Variants in ARPC1B observed in about 807,000 individuals in gnomAD.
ARPC1B encodes the protein actin related protein 2/3 complex subunit 1B.
ARPC1B carries 29 observed loss-of-function variants against 46.0 expected under a neutral mutation model. The observed-to-expected ratio is 0.63, with a 90% CI of 0.47 to 0.86. ARPC1B has a LOEUF of 0.86. ARPC1B is among the 40% of genes least tolerant of loss of function. The pLI, the probability that ARPC1B is intolerant of heterozygous loss-of-function variation, is 0.00. For missense variants in ARPC1B, 469 were observed against 529.4 expected (o/e 0.89, Z 1.12); for synonymous variants, 201 against 213.9 (o/e 0.94, Z 0.53).
Position 99,394,602 on chromosome 7 carries a change from T to G in ARPC1B, c.*113T>G, listed in dbSNP as rs966464685. The G allele has an allele frequency of 6.4e-7, 1 of 1,560,138 alleles. No individual in the cohort carries two copies. Among genetic ancestry groups the G allele is most frequent in the South Asian group, 1.2e-5 (1 of 84,692 alleles). On this transcript the variant is annotated 3_prime_UTR_variant, in exon 10 of 10. Coordinates refer to ENST00000646101, the MANE Select transcript of ARPC1B (RefSeq NM_005720.4). ...TCTGGGGTACCAATACGAGTTCCCA[T>G]AGGGGCTGCTCCCTCAAAAAGGGAG...
Position 99,388,029 on chromosome 7 carries a change from C to G in ARPC1B, c.170-10C>G, listed in dbSNP as rs908368634. 11 of 1,566,744 alleles carry G rather than the reference C, an allele frequency of 7.0e-6. No homozygotes were observed. The highest frequency in any genetic ancestry group is 7.9e-6 in the Non-Finnish European group (9 of 1,139,634). On this transcript the variant is annotated splice_polypyrimidine_tract_variant and intron_variant, in intron 3 of 9. Transcript: ENST00000646101. ...CATCAGCCTCCTGTGTTCCCTCCAT[C>G]CCCCCACAGGCATCGACTGGGCCCC...
chr7:99,391,110 G>T lies in ARPC1B; in HGVS notation c.707+11G>T. The T allele has an allele frequency of 6.2e-7, 1 of 1,612,426 alleles. No individual in the cohort carries two copies. Among genetic ancestry groups the T allele is most frequent in the East Asian group, 2.2e-5 (1 of 44,818 alleles). On this transcript the variant is annotated intron_variant, in intron 6 of 9. Coordinates refer to ENST00000646101, the MANE Select transcript of ARPC1B (RefSeq NM_005720.4). ...CGACAAGAAGATGGCGTGAGTCGAGGCCATCCCCAGGGGAGGAGGTGAGTG... is the reference window on the plus strand; with the variant it reads ...CGACAAGAAGATGGCGTGAGTCGAGTCCATCCCCAGGGGAGGAGGTGAGTG...
chr7:99,380,098 T>C (rs1379877698), intron 1 of ARPC1B, among the ~76,000 whole-genome samples: 1 of 152,178 alleles, frequency 6.6e-6, no homozygotes, highest in Non-Finnish European at 1.5e-5. Flanking sequence ...GCAGCCCTCG[T>C]ATTTTTCTCC....
intron 3 of ARPC1B, among the ~76,000 whole-genome samples, chr7:99,387,305 G>A (rs1343945048): frequency 3.3e-5 from 5 of 152,224 alleles, no homozygotes; most frequent in Admixed American, 1.3e-4. Context: ...GTGGTGGCAC[G>A]CACCTGTAGT....
chr7:99,393,679 C>G (rs1794659013), intron 8 of ARPC1B, among the ~76,000 whole-genome samples: 1 of 152,168 alleles, frequency 6.6e-6, no homozygotes, highest in Non-Finnish European at 1.5e-5. Flanking sequence ...CCGCCAGATC[C>G]GATGGCTTCC....
chr7:99,382,962 A>C (rs1794273232), intron 1 of ARPC1B, among the ~76,000 whole-genome samples: 2 of 147,834 alleles, frequency 1.4e-5, no homozygotes. Context: ...CTCCTGCTTC[A>C]GCCTCCCAAG....
Position 99,394,811 on chromosome 7 carries a change from G to A in ARPC1B, c.*322G>A. 8.1e-7 allele frequency: 1 copy of A among 1,227,282 alleles called. No homozygotes were observed. The highest frequency in any genetic ancestry group is 1.0e-6 in the Non-Finnish European group (1 of 985,344). The allele number at this position is 1,227,282 out of a possible 1,614,324, so 76.0% of individuals were successfully genotyped here. On this transcript the variant is annotated 3_prime_UTR_variant, in exon 10 of 10. Transcript: ENST00000646101. ...AAAAAAAAAAAAAAAAGTAATTATG[G>A]ACATGCTTGCCTATGTGGAAGGAGA...
intron 1 of ARPC1B, among the ~76,000 whole-genome samples, chr7:99,378,967 C>CG (rs1025872980): frequency 8.6e-5 from 13 of 151,668 alleles, no homozygotes; most frequent in African/African-American, 3.1e-4. Flanking sequence ...TTAGTAGAGA[C>CG]GGGGTTTCAC....
At chr7:99,387,921 C>T in intron 3 of ARPC1B, 118 bp from the exon 4 acceptor site, 2 of 694,722 alleles carry the variant, frequency 2.9e-6, no homozygotes, top group Non-Finnish European at 5.1e-6. Flanking sequence ...AAAGTGCCTG[C>T]TGGGCAGATA....
At chr7:99,393,076 G>A (rs754671167) in intron 8 of ARPC1B, among the ~76,000 whole-genome samples, 200 bp downstream of exon 8, 4 of 152,096 alleles carry the variant, frequency 2.6e-5, no homozygotes, top group Admixed American at 1.3e-4. Flanking sequence ...CCGGACACGA[G>A]GGGACGGGGC....
chr7:99,393,900 A>G (rs976314086), intron 8 of ARPC1B, 129 bp from the exon 9 acceptor site: 13 of 880,320 alleles, frequency 1.5e-5, no homozygotes, highest in Non-Finnish European at 2.4e-5. Context: ...TTCTAAGCCC[A>G]CTACACCCCC....
chr7:99,392,673 C>T lies in ARPC1B; in HGVS notation c.786C>T (p.Gly262=). 1 of 1,525,112 alleles carries T rather than the reference C, an allele frequency of 6.6e-7. No individual in the cohort carries two copies. The highest frequency in any genetic ancestry group is 1.4e-5 in the African/African-American group (1 of 72,364). The allele number at this position is 1,525,112 out of a possible 1,614,324, so 94.5% of individuals were successfully genotyped here. Residue 262 remains glycine (G), a splice_region_variant and synonymous_variant, in exon 8 of 10, where the codon GGC becomes GGT. Transcript: ENST00000646101. ...FITDNSLVAA[G]HDCFPVLFTY... ...AATGGCCCCCGCCCTCCGCGCAGGG[C>T]CACGACTGCTTCCCGGTGCTGTTCA... is the stretch of plus-strand genomic sequence containing the variant.
At chr7:99,393,419 CCAGG>C (rs919532721) in intron 8 of ARPC1B, among the ~76,000 whole-genome samples, 6 of 152,080 alleles carry the variant, frequency 3.9e-5, no homozygotes, top group Admixed American at 3.9e-4. Flanking sequence ...TCTGGGGTGG[CCAGG>C]CAGTGACCAG....
In ARPC1B at chr7:99,394,737, A is replaced by G. The variant is rs1794710149; in HGVS notation, c.*248A>G. ...ATGCCCCCAAAGCACTATGCTGGTC[A>G]TGAACTGCTTCAAAATGTGGAGGTA... On this transcript the variant is annotated 3_prime_UTR_variant, in exon 10 of 10. Transcript: ENST00000646101. The G allele has an allele frequency of 8.1e-7, 1 of 1,235,670 alleles. No homozygotes were observed. Among genetic ancestry groups the G allele is most frequent in the Non-Finnish European group, 1.0e-6 (1 of 992,972 alleles). The allele number at this position is 1,235,670 out of a possible 1,614,324, so 76.5% of individuals were successfully genotyped here.
intron 2 of ARPC1B, 84 bp downstream of exon 2, chr7:99,385,862 G>A: frequency 7.1e-7 from 1 of 1,401,940 alleles, no homozygotes; most frequent in African/African-American, 1.4e-5. Flanking sequence ...GGACTCTGGA[G>A]CAGCCAGGCC....
At chr7:99,389,139 G>A (rs1794493281) in intron 4 of ARPC1B, 1 of 151,494 alleles carries the variant, frequency 6.6e-6, no homozygotes, top group Non-Finnish European at 1.5e-5. Context: ...GTTTCTCCAT[G>A]TTGGTCAGGC....
intron 2 of ARPC1B, 50 bp from the exon 3 acceptor site, chr7:99,386,635 G>A: frequency 7.4e-7 from 1 of 1,357,004 alleles, no homozygotes; most frequent in Non-Finnish European, 1.1e-6. Flanking sequence ...TGTCCTGGCA[G>A]AGGGCAGTCA....
At chr7:99,388,366 C>A in intron 4 of ARPC1B, 105 bp downstream of exon 4, 2 of 1,124,144 alleles carry the variant, frequency 1.8e-6, no homozygotes, top group Non-Finnish European at 2.6e-6. Context: ...GTTCCCATCA[C>A]CCTGGGGGAG....
In ARPC1B at chr7:99,394,019, C is replaced by T. The variant is rs993588209; in HGVS notation, c.990-10C>T. ...AGGTTGAATTCATAAGCTCCTCTTCCTCTTTGCAGCCAGATCTCGGTGCTC... is the reference window on the plus strand; with the variant it reads ...AGGTTGAATTCATAAGCTCCTCTTCTTCTTTGCAGCCAGATCTCGGTGCTC... On this transcript the variant is annotated splice_polypyrimidine_tract_variant and intron_variant, in intron 8 of 9. Coordinates refer to ENST00000646101, the MANE Select transcript of ARPC1B (RefSeq NM_005720.4). 4 of 1,612,168 alleles carry T rather than the reference C, an allele frequency of 2.5e-6. No individual in the cohort carries two copies. The highest frequency in any genetic ancestry group is 3.4e-6 in the Non-Finnish European group (4 of 1,180,010).
Sources: gnomAD v4.1 joint callset for allele counts (sites outside exome capture counted in the v4.1 genomes callset) on GRCh38, gnomAD v4.1.1 for gene constraint, MANE v1.5 for transcripts, NCBI Gene and HGNC (gene_info 2026-07-23, HGNC 2026-07-21) for gene names.